Variants in CNTLN observed in about 807,000 individuals in gnomAD.
The protein encoded by CNTLN is centlein, centrosomal protein.
A neutral mutation model predicts 180.0 loss-of-function variants in CNTLN; 212 were observed. The observed-to-expected ratio is 1.18, with a 90% CI of 1.05 to 1.32. CNTLN has a LOEUF of 1.32. Among genes scored for constraint, CNTLN ranks in the 40% most tolerant of loss-of-function variants. The pLI is 0.00. For missense variants in CNTLN, 2,095 were observed against 1,610.9 expected, an observed-to-expected ratio of 1.30 and a Z score of -5.14; for synonymous variants, 722 against 563.1, an observed-to-expected ratio of 1.28 and a Z score of -3.99.
chr9:17,170,199 A>G (rs1168861458), intron 2 of CNTLN, among the ~76,000 whole-genome samples: 3 of 152,150 alleles, frequency 2.0e-5, no homozygotes, highest in African/African-American at 4.8e-5. Flanking sequence ...TTTTAGTGTT[A>G]TAGAAACACA....
chr9:17,297,757 A>T (rs1405920886), intron 6 of CNTLN, among the ~76,000 whole-genome samples: 2 of 152,162 alleles, frequency 1.3e-5, no homozygotes, highest in Non-Finnish European at 2.9e-5. Flanking sequence ...TGAAAACTTA[A>T]GTTTGCCCTT....
At chr9:17,341,743 T>G (rs934333811) in intron 11 of CNTLN, among the ~76,000 whole-genome samples, 2 of 152,342 alleles carry the variant, frequency 1.3e-5, no homozygotes, top group South Asian at 4.1e-4. Context: ...TAAAGGGCAT[T>G]TGGCATCACT....
intron 3 of CNTLN, among the ~76,000 whole-genome samples, chr9:17,230,842 C>A (rs573977082): frequency 6.6e-6 from 1 of 152,118 alleles, no homozygotes; most frequent in East Asian, 1.9e-4. Context: ...TGCTTGCCCC[C>A]TTCCCCCAAG....
chr9:17,498,613 A>G (rs998037562), intron 25 of CNTLN, among the ~76,000 whole-genome samples: 5 of 152,194 alleles, frequency 3.3e-5, no homozygotes, highest in Non-Finnish European at 5.9e-5. Flanking sequence ...TTCACTCAGT[A>G]TGAAATCTTC....
At position 17,260,347 on chromosome 9, in the gene CNTLN, T is replaced by G. The variant is rs892951853; in HGVS notation, c.850-13386T>G. 1.1e-4 allele frequency among the ~76,000 whole-genome samples: 17 copies of G among 151,182 alleles called. 1 individual carries two copies. Among genetic ancestry groups the G allele is most frequent in the Admixed American group, 2.6e-4 (4 of 15,200 alleles). On this transcript the variant is annotated intron_variant, in intron 5 of 25. Transcript: ENST00000380647. ...TGCACTGTGGTCTGAGAGATAGTTT[T>G]TTATAATTTCTGTTCTTTTACATTT...
chr9:17,139,176 C>G (rs1048509860), intron 1 of CNTLN, among the ~76,000 whole-genome samples: 2 of 152,006 alleles, frequency 1.3e-5, no homozygotes, highest in Non-Finnish European at 2.9e-5. Context: ...TAACCTCTGC[C>G]TCCCTGGTTC....
chr9:17,225,591 C>A (rs1587240519), intron 2 of CNTLN, among the ~76,000 whole-genome samples: 1 of 151,952 alleles, frequency 6.6e-6, no homozygotes, highest in Admixed American at 6.6e-5. Context: ...TCCTTCCTTT[C>A]CCTTTTCCTC....
intron 2 of CNTLN, among the ~76,000 whole-genome samples, chr9:17,180,045 A>T (rs1821022372): frequency 6.6e-6 from 1 of 151,854 alleles, no homozygotes; most frequent in Non-Finnish European, 1.5e-5. Flanking sequence ...CTTTCAACTT[A>T]CCTATATTGC....
At chr9:17,514,127 G>A in the CNTLN span, among the ~76,000 whole-genome samples, 1 of 145,018 alleles carries the variant, frequency 6.9e-6, no homozygotes, top group Admixed American at 7.1e-5. Flanking sequence ...AGGCAACATA[G>A]TGAGACCCCA....
intron 15 of CNTLN, among the ~76,000 whole-genome samples, chr9:17,408,228 G>T (rs1423047126): frequency 5.3e-5 from 8 of 151,386 alleles, no homozygotes. Context: ...ATTCTTCATG[G>T]TGTCTCAAGC....
chr9:17,200,064 A>G (rs1822416627), intron 2 of CNTLN, among the ~76,000 whole-genome samples: 1 of 152,196 alleles, frequency 6.6e-6, no homozygotes, highest in Non-Finnish European at 1.5e-5. Flanking sequence ...GTGGCTAGCC[A>G]GTTTTCCCAA....
At chr9:17,167,245 C>G (rs937934425) in intron 2 of CNTLN, 15 of 161,598 alleles carry the variant, frequency 9.3e-5, no homozygotes, top group African/African-American at 3.4e-4. Context: ...AAATGTGATG[C>G]CATATTGATT....
At chr9:17,380,598 A>G (rs1825167017) in intron 13 of CNTLN, among the ~76,000 whole-genome samples, 1 of 152,140 alleles carries the variant, frequency 6.6e-6, no homozygotes, top group Non-Finnish European at 1.5e-5. Context: ...AAACCTTTGT[A>G]ATTACCTATG....
chr9:17,524,394 G>C, the CNTLN span, among the ~76,000 whole-genome samples: 2 of 152,192 alleles, frequency 1.3e-5, no homozygotes, highest in Non-Finnish European at 2.9e-5. Context: ...CAGTCAGTGG[G>C]AGTTTCCTCT....
chr9:17,324,792 A>G (rs1356271585), intron 8 of CNTLN, among the ~76,000 whole-genome samples: 2 of 152,154 alleles, frequency 1.3e-5, no homozygotes, highest in African/African-American at 2.4e-5. Flanking sequence ...TGACTGTACC[A>G]TGTAAGTATT....
intron 12 of CNTLN, among the ~76,000 whole-genome samples, chr9:17,358,394 C>G (rs1428176087): frequency 2.0e-5 from 3 of 151,980 alleles, no homozygotes; most frequent in Non-Finnish European, 4.4e-5. Flanking sequence ...GATATAATTT[C>G]TAAGTGTAAA....
intron 2 of CNTLN, among the ~76,000 whole-genome samples, chr9:17,173,581 A>T (rs1820541679): frequency 6.6e-6 from 1 of 152,086 alleles, no homozygotes; most frequent in South Asian, 2.1e-4. Context: ...CAACATTCTT[A>T]TTCCTGATTT....
Position 17,332,721 on chromosome 9 carries a change from A to G in CNTLN, c.1635A>G (p.Leu545=), listed in dbSNP as rs772169385. ...ERKIENLEKA[L]QLKSQENDEL... ...AGATTGAAAACTTAGAGAAGGCACT[A>G]CAACTAAAGGTGAACATTAAATCAT... is the stretch of plus-strand genomic sequence containing the variant. Residue 545 remains leucine (L), a synonymous_variant, in exon 10 of 26, where the codon CTA becomes CTG. Coordinates refer to ENST00000380647, the MANE Select transcript of CNTLN (RefSeq NM_017738.4). The G allele has an allele frequency of 1.3e-6, 2 of 1,599,870 alleles. No homozygotes were observed. Among genetic ancestry groups the G allele is most frequent in the South Asian group, 1.1e-5 (1 of 88,560 alleles).
chr9:17,293,466 G>A (rs1817550480), intron 6 of CNTLN, among the ~76,000 whole-genome samples: 1 of 152,196 alleles, frequency 6.6e-6, no homozygotes, highest in South Asian at 2.1e-4. Flanking sequence ...TAAACCCCTG[G>A]CTGCAGTTGC....
Sources: allele counts gnomAD v4.1 joint callset (sites outside exome capture counted in the v4.1 genomes callset), GRCh38; gene constraint gnomAD v4.1.1; transcripts MANE v1.5; gene names NCBI Gene and HGNC (gene_info 2026-07-23, HGNC 2026-07-21).